CNTN3: variants seen among roughly 807,000 people sequenced by gnomAD.
The protein encoded by CNTN3 is contactin 3, also known as contactin-3.
Under a neutral mutation model 119.1 loss-of-function variants are expected in CNTN3, and 60 were observed. That is an observed-to-expected ratio of 0.50 (90% CI 0.41 to 0.62). The LOEUF (loss-of-function observed/expected upper bound fraction) is 0.62. Among genes scored for constraint, CNTN3 ranks in the 20% least tolerant of loss-of-function variants. CNTN3 has a pLI of 0.00. For missense variants in CNTN3, 1,101 were observed against 1,242.4 expected (o/e 0.89, Z 1.71); for synonymous variants, 450 against 438.7 (o/e 1.03, Z -0.32).
chr3:74,301,015 T>C (rs1163145307), intron 16 of CNTN3, among the ~76,000 whole-genome samples: 1 of 152,168 alleles, frequency 6.6e-6, no homozygotes, highest in East Asian at 1.9e-4. Context: ...CAAAATGAGA[T>C]TTCCTAGCAG....
intron 4 of CNTN3, among the ~76,000 whole-genome samples, chr3:74,433,919 T>A (rs757476510): frequency 6.6e-6 from 1 of 152,220 alleles, no homozygotes; most frequent in Non-Finnish European, 1.5e-5. Context: ...GATTAGAGCC[T>A]TGTCATTTTC....
intron 1 of CNTN3, among the ~76,000 whole-genome samples, chr3:74,554,154 ATG>A (rs1704035069): frequency 6.6e-6 from 1 of 152,000 alleles, no homozygotes; most frequent in African/African-American, 2.4e-5. Flanking sequence ...AGTTTTCCCA[ATG>A]CCATTTATTA....
chr3:74,311,302 G>C (rs764009889), intron 13 of CNTN3, among the ~76,000 whole-genome samples: 4 of 151,924 alleles, frequency 2.6e-5, no homozygotes, highest in Non-Finnish European at 5.9e-5. Context: ...AAGTCATATT[G>C]AAAAAGATAA....
chr3:74,560,734 T>C (rs1028212061), intron 1 of CNTN3, among the ~76,000 whole-genome samples: 7 of 152,102 alleles, frequency 4.6e-5, no homozygotes, highest in African/African-American at 1.7e-4. Context: ...CATATGTTTA[T>C]TGTGGCACTA....
At chr3:74,348,162 A>G (rs1703735238) in intron 11 of CNTN3, among the ~76,000 whole-genome samples, 2 of 152,182 alleles carry the variant, frequency 1.3e-5, no homozygotes, top group Admixed American at 6.6e-5. Context: ...GAAATTGCTA[A>G]GAGAGCTGAT....
chr3:74,427,401 G>A (rs532151014), intron 4 of CNTN3, among the ~76,000 whole-genome samples: 1 of 152,280 alleles, frequency 6.6e-6, no homozygotes, highest in South Asian at 2.1e-4. Context: ...GAGCAACATA[G>A]ATGCATAAGA....
intron 4 of CNTN3, among the ~76,000 whole-genome samples, chr3:74,483,667 C>A (rs1702801941): frequency 6.6e-6 from 1 of 152,052 alleles, no homozygotes; most frequent in Non-Finnish European, 1.5e-5. Context: ...CTCTGTGGGA[C>A]TTGGAGTTAA....
At chr3:74,539,786 TGAG>T (rs1272417715) in intron 1 of CNTN3, among the ~76,000 whole-genome samples, 1 of 151,976 alleles carries the variant, frequency 6.6e-6, no homozygotes, top group Non-Finnish European at 1.5e-5. Context: ...GGATTAGAAA[TGAG>T]GAGGAAAAAA....
At chr3:74,455,023 C>A (rs544816477) in intron 4 of CNTN3, among the ~76,000 whole-genome samples, 116 of 152,092 alleles carry the variant, frequency 7.6e-4, no homozygotes, top group African/African-American at 2.8e-3. Context: ...TTGTCGTGTT[C>A]TCTTTATTTC....
intron 11 of CNTN3, 109 bp from the exon 12 acceptor site, chr3:74,336,767 A>G: frequency 1.2e-6 from 1 of 821,868 alleles, no homozygotes; most frequent in Non-Finnish European, 1.8e-6. Flanking sequence ...TTTTTAAGGC[A>G]TGATCAACCA....
chr3:74,456,474 T>C (rs755609604), intron 4 of CNTN3, among the ~76,000 whole-genome samples: 37 of 152,048 alleles, frequency 2.4e-4, no homozygotes, highest in Non-Finnish European at 5.0e-4. Context: ...GGAATAGATA[T>C]GAAAAATGAT....
At chr3:74,396,560 C>G (rs760321789) in intron 5 of CNTN3, among the ~76,000 whole-genome samples, 21 of 147,356 alleles carry the variant, frequency 1.4e-4, no homozygotes, top group Admixed American at 2.8e-4. Flanking sequence ...CCCTGGCTAA[C>G]ACGGTGAAAC....
rs9824673 is a variant in CNTN3, at chr3:74,509,204, A to C, written c.56-9419T>G. On this transcript the variant is annotated intron_variant, in intron 2 of 22. Transcript: ENST00000263665. ...TAAAATGTCAACCTGTGGAGGGAAAATAAACATGGGATGCTAGGCCCAGTA... is the reference window on the plus strand; with the variant it reads ...TAAAATGTCAACCTGTGGAGGGAAACTAAACATGGGATGCTAGGCCCAGTA... Among the ~76,000 whole-genome samples, 261 of 152,304 alleles carry C rather than the reference A, an allele frequency of 1.7e-3. 1 individual carries two copies. The highest frequency in any genetic ancestry group is 6.0e-3 in the African/African-American group (250 of 41,576).
chr3:74,286,751 T>A (rs905983067), intron 19 of CNTN3, among the ~76,000 whole-genome samples: 1 of 152,198 alleles, frequency 6.6e-6, no homozygotes, highest in African/African-American at 2.4e-5. Flanking sequence ...GCAAATCCAC[T>A]CCAGGGGAGA....
chr3:74,574,627 T>C (rs951214593), intron 1 of CNTN3, among the ~76,000 whole-genome samples: 1 of 152,206 alleles, frequency 6.6e-6, no homozygotes, highest in Non-Finnish European at 1.5e-5. Flanking sequence ...TTTTCTCTTG[T>C]AAACTGTTTT....
intron 1 of CNTN3, among the ~76,000 whole-genome samples, chr3:74,591,252 T>C (rs1423552471): frequency 2.6e-5 from 4 of 152,090 alleles, no homozygotes; most frequent in Non-Finnish European, 1.5e-5. Context: ...AAAGGGGATG[T>C]TAGAAATTAT....
Position 74,316,428 on chromosome 3 carries a change from A to C in CNTN3, c.1669-13621T>G, listed in dbSNP as rs182270294. 2.0e-5 allele frequency among the ~76,000 whole-genome samples: 3 copies of C among 152,292 alleles called. No homozygotes were observed. The East Asian group carries it at 5.8e-4, about 29-fold the overall frequency. ...ACAGGCATTGTGAAAAGCATTTTGG[A>C]GATTTCCCAAAGAAGGAAAAGCTGA... is the stretch of plus-strand genomic sequence containing the variant. On this transcript the variant is annotated intron_variant, in intron 13 of 22. Transcript: ENST00000263665.
intron 13 of CNTN3, among the ~76,000 whole-genome samples, chr3:74,314,518 AT>A (rs1443197799): frequency 6.6e-6 from 1 of 152,222 alleles, no homozygotes; most frequent in Non-Finnish European, 1.5e-5. Flanking sequence ...TTAATTTCAA[AT>A]ATAGCAGAAT....
chr3:74,528,862 A>G (rs1437439453), intron 1 of CNTN3, among the ~76,000 whole-genome samples: 2 of 151,900 alleles, frequency 1.3e-5, no homozygotes, highest in African/African-American at 2.4e-5. Flanking sequence ...TTTCAAGCAC[A>G]TGCACTGCAG....
Sources: gnomAD v4.1 joint callset for allele counts (sites outside exome capture counted in the v4.1 genomes callset) on GRCh38, gnomAD v4.1.1 for gene constraint, MANE v1.5 for transcripts, NCBI Gene and HGNC (gene_info 2026-07-23, HGNC 2026-07-21) for gene names.